Variants in FAM81A observed in about 807,000 individuals in gnomAD.
FAM81A encodes protein FAM81A.
In FAM81A, 19 loss-of-function variants were observed where a neutral mutation model predicts 46.7. The observed-to-expected ratio is 0.41, with a 90% confidence interval of 0.28 to 0.60. The LOEUF is 0.60. Among genes scored for constraint, FAM81A ranks in the 20% least tolerant of loss-of-function variants. The pLI is 0.34. For missense variants in FAM81A, 377 were observed against 453.5 expected (o/e 0.83, Z 1.53); for synonymous variants, 183 against 152.9 (o/e 1.20, Z -1.45).
In FAM81A at chr15:59,506,410, A is replaced by G. The variant is rs187395253; in HGVS notation, c.414-803A>G. Among the ~76,000 whole-genome samples the G allele has an allele frequency of 8.1e-3, 1,227 of 151,482 alleles. 10 individuals carry two copies. The highest frequency in any genetic ancestry group is 0.015 in the South Asian group (70 of 4,762). ...ACTTGTGCCTTTTGAACCTGCTTGAACCCTTCCCCTTGAAGATGGAGTGCT... is the reference window on the plus strand; with the variant it reads ...ACTTGTGCCTTTTGAACCTGCTTGAGCCCTTCCCCTTGAAGATGGAGTGCT... On this transcript the variant is annotated intron_variant, in intron 4 of 8. Transcript: ENST00000288228.
chr15:59,400,298 T>A (rs1596456072), intron 1 of FAM81A, among the ~76,000 whole-genome samples: 2 of 151,994 alleles, frequency 1.3e-5, no homozygotes, highest in Non-Finnish European at 2.9e-5. Context: ...CCCGCCCACA[T>A]CCAGCCACTC....
At chr15:59,405,873 A>G (rs1404243578) in intron 2 of FAM81A, among the ~76,000 whole-genome samples, 3 of 152,208 alleles carry the variant, frequency 2.0e-5, no homozygotes, top group African/African-American at 7.2e-5. Context: ...CATGTTGCAC[A>G]TTCAGTTGTC....
chr15:59,505,235 G>T (rs1486200593), intron 4 of FAM81A, among the ~76,000 whole-genome samples: 1 of 152,142 alleles, frequency 6.6e-6, no homozygotes, highest in Non-Finnish European at 1.5e-5. Context: ...ACAAGGGCTG[G>T]GCGCGGTGGC....
intron 2 of FAM81A, among the ~76,000 whole-genome samples, chr15:59,415,684 GACCTGCAGA>G (rs2081143740): frequency 6.6e-6 from 1 of 152,144 alleles, no homozygotes; most frequent in Admixed American, 6.5e-5. Flanking sequence ...TTAGACCCCT[GACCTGCAGA>G]ACCGTAAGAT....
chr15:59,475,286 A>C (rs1454774664), intron 3 of FAM81A, among the ~76,000 whole-genome samples: 2 of 151,886 alleles, frequency 1.3e-5, no homozygotes, highest in African/African-American at 4.8e-5. Context: ...CTGGAATTTC[A>C]GGCACACCAC....
rs1167893346 is a variant in FAM81A, at chr15:59,521,317, T to G, written c.1046T>G (p.Leu349Arg). 4 of 1,613,886 alleles carry G rather than the reference T, an allele frequency of 2.5e-6. No homozygotes were observed. The South Asian group carries it at 4.4e-5, about 18-fold the overall frequency. The change falls in exon 9 of 9, where the codon CTG becomes CGG. Residue 349 changes from leucine (L) to arginine (R), a missense_variant. Physicochemically the swap from Leu to Arg is moderately radical, Grantham distance 102. Transcript: ENST00000288228. ...CAAGTTCTCGAGGCCAAGATGAAGC[T>G]GGACAGGGACCAGCTACAGAAGCAA... ...LRQVLEAKMK[L>R]DRDQLQKQIQ... is the part of the protein sequence containing the mutation.
intron 1 of FAM81A, among the ~76,000 whole-genome samples, chr15:59,400,027 T>G (rs1479943167): frequency 6.6e-6 from 1 of 151,324 alleles, no homozygotes; most frequent in Non-Finnish European, 1.5e-5. Flanking sequence ...GTCTCTCTTC[T>G]GCTCCTCCAC....
At chr15:59,444,818 A>T (rs1323222551) in intron 1 of FAM81A, among the ~76,000 whole-genome samples, 1 of 152,188 alleles carries the variant, frequency 6.6e-6, no homozygotes, top group Non-Finnish European at 1.5e-5. Flanking sequence ...TTCCATATAA[A>T]AGCAGGTGAT....
At chr15:59,440,687 A>G (rs1009113623) in intron 1 of FAM81A, among the ~76,000 whole-genome samples, 16 of 152,120 alleles carry the variant, frequency 1.1e-4, no homozygotes, top group African/African-American at 3.9e-4. Context: ...CTACCCACAT[A>G]CTGCTCTGGA....
rs2081541521 is a variant in FAM81A, at chr15:59,460,711, A to C, written c.294+505A>C. ...AGTTTTCTTTGAAATGAGACCAATA[A>C]AAGGCCAATATTGTCTATTTTTAGA... is the stretch of plus-strand genomic sequence containing the variant. On this transcript the variant is annotated intron_variant, in intron 3 of 8. Coordinates refer to ENST00000288228, the MANE Select transcript of FAM81A (RefSeq NM_152450.3). This position sits in a 1 kb window ranked among gnomAD's most constrained non-coding sequence, Gnocchi z 4.4. 1 of 202,142 alleles carries C rather than the reference A, an allele frequency of 4.9e-6. No homozygotes were observed. Among genetic ancestry groups the C allele is most frequent in the Non-Finnish European group, 1.0e-5 (1 of 98,740 alleles). The allele number at this position is 202,142 out of a possible 1,614,324, so 12.5% of individuals were successfully genotyped here.
At chr15:59,478,444 C>T (rs550244749) in intron 3 of FAM81A, among the ~76,000 whole-genome samples, 63 of 152,226 alleles carry the variant, frequency 4.1e-4, no homozygotes, top group African/African-American at 1.5e-3. Flanking sequence ...AAAGCAGGGG[C>T]GTAGACAGTG....
chr15:59,507,552 G>T (rs2082162678), intron 5 of FAM81A, among the ~76,000 whole-genome samples: 2 of 151,994 alleles, frequency 1.3e-5, no homozygotes, highest in African/African-American at 4.8e-5. Flanking sequence ...AAAATTGTTT[G>T]GTATAGTCCT....
intron 1 of FAM81A, among the ~76,000 whole-genome samples, chr15:59,400,946 A>T (rs1477478122): frequency 6.6e-6 from 1 of 152,216 alleles, no homozygotes; most frequent in Non-Finnish European, 1.5e-5. Context: ...AAGGTTTCAA[A>T]TTAATTCTGG....
At position 59,438,891 on chromosome 15, in the gene FAM81A, C is replaced by T. The variant is rs1452634245; in HGVS notation, c.-78+609C>T. On this transcript the variant is annotated intron_variant, in intron 1 of 8. Coordinates refer to ENST00000288228, the MANE Select transcript of FAM81A (RefSeq NM_152450.3). ...ATTATGGAGCAAGCAGTCGGTGGTC[C>T]GGAGAATGGCTTCTTAAGATGCACA... is the stretch of plus-strand genomic sequence containing the variant. The T allele has an allele frequency of 2.6e-5, 4 of 152,144 alleles. No individual in the cohort carries two copies. The East Asian group carries it at 7.7e-4, about 29-fold the overall frequency. 9.4% of individuals were successfully genotyped at this position (152,144 alleles called of 1,614,324 possible). A position where few individuals can be genotyped will look rare whatever the true frequency, so the allele number is the denominator to read the frequency against.
chr15:59,471,948 A>G (rs28537680), intron 3 of FAM81A, among the ~76,000 whole-genome samples: 30,345 of 152,160 alleles, frequency 0.2, 4,474 homozygotes, highest in African/African-American at 0.41. Context: ...ATGACTGTGT[A>G]TTTGTTAGTA....
At chr15:59,512,644 T>C (rs1415846423) in intron 6 of FAM81A, among the ~76,000 whole-genome samples, 1 of 152,160 alleles carries the variant, frequency 6.6e-6, no homozygotes, top group Non-Finnish European at 1.5e-5. Context: ...CAGTGTTCCA[T>C]GTCTTACCTG....
At chr15:59,425,205 A>G (rs1397296554) in intron 2 of FAM81A, among the ~76,000 whole-genome samples, 1 of 152,144 alleles carries the variant, frequency 6.6e-6, no homozygotes, top group Non-Finnish European at 1.5e-5. Flanking sequence ...AGACCACGCA[A>G]TGACTACAGT....
chr15:59,400,191 T>C lies in FAM81A; in HGVS notation c.-160-2085T>C, dbSNP rs139800940. ...ACTCATGCTCTTGCCCCCCAATTCA[T>C]TCCTCTTCAGTGTTCCTGTCTGGGG... On this transcript the variant is annotated intron_variant, in intron 1 of 4. Coordinates refer to the FAM81A transcript ENST00000558348. Among the ~76,000 whole-genome samples the C allele has an allele frequency of 4.4e-3, 673 of 152,220 alleles. 2 individuals carry two copies. The highest frequency in any genetic ancestry group is 0.01 in the Middle Eastern group (3 of 294).
Position 59,493,174 on chromosome 15 carries a change from C to T in FAM81A, c.413+785C>T, listed in dbSNP as rs539891734. Among the ~76,000 whole-genome samples, 9 of 152,260 alleles carry T rather than the reference C, an allele frequency of 5.9e-5. No homozygotes were observed. In the South Asian group the frequency reaches 1.5e-3, roughly 25 times the overall value. On this transcript the variant is annotated intron_variant, in intron 4 of 8. Transcript: ENST00000288228. Reference sequence around the variant, plus strand: ...GCAATGAGGGTGGTCTGCATGGAGTCGGGTGGAAGAAAGAACAAGGACCTC... The same window carrying T: ...GCAATGAGGGTGGTCTGCATGGAGTTGGGTGGAAGAAAGAACAAGGACCTC...
Sources: allele counts gnomAD v4.1 joint callset (sites outside exome capture counted in the v4.1 genomes callset), GRCh38; gene constraint gnomAD v4.1.1; non-coding constraint Gnocchi (gnomAD v3.1); transcripts MANE v1.5; gene names NCBI Gene and HGNC (gene_info 2026-07-23, HGNC 2026-07-21).